ESRRG: variants seen among roughly 807,000 people sequenced by gnomAD.
The protein encoded by ESRRG is estrogen related receptor gamma, also known as estrogen-related receptor gamma.
ESRRG carries 13 observed loss-of-function variants against 44.0 expected under a neutral mutation model. That is an observed-to-expected ratio of 0.30 (90% confidence interval 0.19 to 0.47). ESRRG has a LOEUF of 0.47. Ranked by LOEUF, ESRRG falls within the 20% of genes least tolerant of loss-of-function variation. ESRRG has a pLI of 1.00. For synonymous variants in ESRRG, 215 were observed against 214.6 expected (o/e 1.00, Z -0.02); for missense variants, 395 against 580.6 (o/e 0.68, Z 3.29).
At position 216,799,154 on chromosome 1, in the gene ESRRG, A is replaced by G. The variant is rs116613791; in HGVS notation, c.-13-121663T>C. 8.9e-3 allele frequency among the ~76,000 whole-genome samples: 1,353 copies of G among 152,234 alleles called. 22 individuals carry two copies. Among genetic ancestry groups the G allele is most frequent in the African/African-American group, 0.03 (1,227 of 41,552 alleles). ...AGTAAATGTGACTTTATCTTACTTA[A>G]CCTATACCATTGCAATTCCTATCAG... On this transcript the variant is annotated intron_variant, in intron 2 of 7. Coordinates refer to the ESRRG transcript ENST00000359162.
At chr1:217,097,914 G>A (rs1336715453) in intron 1 of ESRRG, among the ~76,000 whole-genome samples, 3 of 150,432 alleles carry the variant, frequency 2.0e-5, no homozygotes, top group African/African-American at 7.3e-5. Flanking sequence ...GCCACACATT[G>A]GAATCACTTG....
chr1:216,521,415 C>G (rs2046037090), intron 5 of ESRRG, among the ~76,000 whole-genome samples: 1 of 151,420 alleles, frequency 6.6e-6, no homozygotes, highest in Non-Finnish European at 1.5e-5. Context: ...CTCAAGAAAA[C>G]ATACTAAGTA....
At chr1:216,786,817 A>C (rs567259360) in intron 2 of ESRRG, among the ~76,000 whole-genome samples, 3 of 152,250 alleles carry the variant, frequency 2.0e-5, no homozygotes, top group Admixed American at 6.5e-5. Context: ...CAATAGACGA[A>C]ATACACACTA....
At chr1:216,807,438 T>C (rs2094831711) in intron 2 of ESRRG, among the ~76,000 whole-genome samples, 1 of 152,206 alleles carries the variant, frequency 6.6e-6, no homozygotes, top group African/African-American at 2.4e-5. Context: ...CAAACTAGAC[T>C]TTCTGTTCTA....
chr1:217,047,514 C>T (rs565314278), intron 1 of ESRRG, among the ~76,000 whole-genome samples: 1 of 152,284 alleles, frequency 6.6e-6, no homozygotes, highest in East Asian at 1.9e-4. Flanking sequence ...CCTCCATCCC[C>T]ATTGTCATCA....
chr1:217,076,794 C>T (rs1000595256), intron 1 of ESRRG: 2 of 152,134 alleles, frequency 1.3e-5, no homozygotes, highest in Admixed American at 6.5e-5. Context: ...CTTGACCTTC[C>T]ATAAAGGAAG....
At chr1:216,728,928 A>C (rs1273335346) in intron 2 of ESRRG, among the ~76,000 whole-genome samples, 1 of 152,170 alleles carries the variant, frequency 6.6e-6, no homozygotes, top group Non-Finnish European at 1.5e-5. Context: ...GTTTGATAAG[A>C]GTCTCCTTCC....
chr1:216,773,884 A>T (rs964424398), intron 2 of ESRRG, among the ~76,000 whole-genome samples: 2 of 152,124 alleles, frequency 1.3e-5, no homozygotes, highest in Non-Finnish European at 2.9e-5. Flanking sequence ...TCTAGTCACA[A>T]TATGCCCAAG....
intron 3 of ESRRG, among the ~76,000 whole-genome samples, chr1:216,647,354 G>A (rs1462655918): frequency 2.0e-5 from 3 of 152,114 alleles, no homozygotes; most frequent in Non-Finnish European, 4.4e-5. Flanking sequence ...GATTTTTTCA[G>A]GATGCTGAAT....
chr1:216,753,052 A>C (rs2092172465), intron 2 of ESRRG, among the ~76,000 whole-genome samples: 1 of 152,056 alleles, frequency 6.6e-6, no homozygotes. Flanking sequence ...GATGAGGATG[A>C]TGTCTCACTT....
chr1:216,536,677 A>G (rs988078941), intron 5 of ESRRG, among the ~76,000 whole-genome samples: 1 of 152,062 alleles, frequency 6.6e-6, no homozygotes, highest in Admixed American at 6.6e-5. Flanking sequence ...ATTTTTTGGT[A>G]AGAATGATGA....
intron 3 of ESRRG, among the ~76,000 whole-genome samples, chr1:216,610,631 A>G (rs2060520134): frequency 6.6e-6 from 1 of 152,118 alleles, no homozygotes; most frequent in African/African-American, 2.4e-5. Context: ...ATACTTCCTC[A>G]TCTGTAAGGA....
In ESRRG at chr1:217,131,567, G is replaced by A. The variant is rs544023540; in HGVS notation, c.-230+6100C>T. 1.4e-4 allele frequency among the ~76,000 whole-genome samples: 21 copies of A among 152,332 alleles called. 1 individual carries two copies. The South Asian group carries it at 4.4e-3, about 32-fold the overall frequency. The stretch of plus-strand genomic sequence containing the variant: ...CAACTGAAACCAACCTGTTGAAGGT[G>A]ACCAAGAACTGGATGAAAGTAAATG... On this transcript the variant is annotated intron_variant, in intron 1 of 8. Coordinates refer to the ESRRG transcript ENST00000366940.
chr1:216,880,561 G>C (rs2096430605), intron 2 of ESRRG, among the ~76,000 whole-genome samples: 1 of 152,002 alleles, frequency 6.6e-6, no homozygotes, highest in African/African-American at 2.4e-5. Context: ...TTTCAACACT[G>C]CATTCATAAT....
intron 3 of ESRRG, among the ~76,000 whole-genome samples, chr1:216,579,856 T>A (rs79664799): frequency 1.1e-4 from 16 of 152,320 alleles, no homozygotes; most frequent in African/African-American, 3.6e-4. Flanking sequence ...GAATTCCCCA[T>A]GAAAATTTCC....
intron 5 of ESRRG, among the ~76,000 whole-genome samples, chr1:216,519,876 C>T (rs2148925102): frequency 7.1e-6 from 1 of 141,674 alleles, no homozygotes; most frequent in East Asian, 2.3e-4. Context: ...GGTAAACAAA[C>T]AATTTAGGCC....
chr1:216,646,181 T>C (rs2067544995), intron 3 of ESRRG, among the ~76,000 whole-genome samples: 1 of 152,118 alleles, frequency 6.6e-6, no homozygotes, highest in Non-Finnish European at 1.5e-5. Context: ...GTTGTCTCTC[T>C]TCATTTGACC....
intron 1 of ESRRG, among the ~76,000 whole-genome samples, chr1:216,948,651 T>A (rs1578527482): frequency 6.6e-6 from 1 of 152,004 alleles, no homozygotes; most frequent in Non-Finnish European, 1.5e-5. Context: ...TTGGGGGTAT[T>A]TGGGATTGTT....
chr1:216,644,451 C>G (rs572388345), intron 3 of ESRRG, among the ~76,000 whole-genome samples: 1 of 123,026 alleles, frequency 8.1e-6, no homozygotes, highest in South Asian at 2.5e-4. Context: ...TTTTCTGAGA[C>G]AGAATCTCAC....
Sources: gnomAD v4.1 joint callset for allele counts (sites outside exome capture counted in the v4.1 genomes callset) on GRCh38, gnomAD v4.1.1 for gene constraint, MANE v1.5 for transcripts, NCBI Gene and HGNC (gene_info 2026-07-23, HGNC 2026-07-21) for gene names.